Variants in ANO6 observed in about 807,000 individuals in gnomAD.
The protein encoded by ANO6 is anoctamin 6.
A neutral mutation model predicts 117.5 loss-of-function variants in ANO6; 106 were observed. The ratio of observed to expected loss-of-function variants is 0.90; its 90% confidence interval spans 0.77 to 1.06. ANO6 has a LOEUF of 1.06. Ranked by LOEUF, ANO6 falls within the 50% of genes least tolerant of loss-of-function variation. The pLI is 0.00. For missense variants in ANO6, 955 were observed against 1,121.1 expected (o/e 0.85, Z 2.12); for synonymous variants, 367 against 385.1 (o/e 0.95, Z 0.55).
intron 19 of ANO6, among the ~76,000 whole-genome samples, chr12:45,425,188 C>T (rs1352527143): frequency 1.3e-5 from 2 of 151,906 alleles, no homozygotes; most frequent in African/African-American, 2.4e-5. Flanking sequence ...TGGAAAAAAA[C>T]ATGGATTAAA....
intron 1 of ANO6, among the ~76,000 whole-genome samples, chr12:45,285,828 G>A (rs1179104712): frequency 6.6e-6 from 1 of 152,174 alleles, no homozygotes; most frequent in Non-Finnish European, 1.5e-5. Flanking sequence ...TGTGAGTGTT[G>A]TAGGCTGAAA....
chr12:45,366,777 A>G lies in ANO6; in HGVS notation c.999-911A>G, dbSNP rs1315721037. Reference sequence around the variant, plus strand: ...CTTTACTGCATTTCAGAAAAATTCTATTTTCTCCCTATAAATCTTAACATA... The same window carrying G: ...CTTTACTGCATTTCAGAAAAATTCTGTTTTCTCCCTATAAATCTTAACATA... On this transcript the variant is annotated intron_variant, in intron 8 of 19. Transcript: ENST00000320560. Among the ~76,000 whole-genome samples, 4 of 152,066 alleles carry G rather than the reference A, an allele frequency of 2.6e-5. No homozygotes were observed. The East Asian group carries it at 7.7e-4, about 29-fold the overall frequency.
chr12:45,241,616 TGGA>T (rs1592859122), intron 1 of ANO6, among the ~76,000 whole-genome samples: 1 of 152,242 alleles, frequency 6.6e-6, no homozygotes, highest in African/African-American at 2.4e-5. Context: ...TGCGATCTTT[TGGA>T]GGAGAACAGG....
chr12:45,321,765 A>C (rs1940281475), intron 2 of ANO6, among the ~76,000 whole-genome samples: 1 of 152,210 alleles, frequency 6.6e-6, no homozygotes, highest in South Asian at 2.1e-4. Flanking sequence ...TTTAATGCAC[A>C]ACTCAAAAAT....
At chr12:45,357,231 G>C (rs988495652) in intron 7 of ANO6, 59 bp from the exon 8 acceptor site, 4 of 1,570,768 alleles carry the variant, frequency 2.5e-6, no homozygotes, top group African/African-American at 1.4e-5. Flanking sequence ...ATTAATATTA[G>C]GATGAAGCTA....
intron 2 of ANO6, among the ~76,000 whole-genome samples, chr12:45,322,923 C>G (rs1194765310): frequency 6.6e-6 from 1 of 152,132 alleles, no homozygotes; most frequent in Non-Finnish European, 1.5e-5. Flanking sequence ...AATAGCAGGA[C>G]TATATCATTG....
At chr12:45,439,584 T>C in intron 19 of ANO6, 2 of 1,169,246 alleles carry the variant, frequency 1.7e-6, no homozygotes, top group Non-Finnish European at 2.2e-6. Flanking sequence ...ATACTAACAC[T>C]CATTTTCATT....
chr12:45,385,612 G>T (rs1193998994), intron 10 of ANO6, among the ~76,000 whole-genome samples: 1 of 152,048 alleles, frequency 6.6e-6, no homozygotes, highest in Non-Finnish European at 1.5e-5. Context: ...GCTCAGCTGG[G>T]CACCAAGACC....
chr12:45,364,237 C>G (rs74970987), intron 8 of ANO6, among the ~76,000 whole-genome samples: 1 of 152,102 alleles, frequency 6.6e-6, no homozygotes, highest in Non-Finnish European at 1.5e-5. Flanking sequence ...GCCATGATTT[C>G]TTTGGCTTTG....
At chr12:45,376,632 CAT>C (rs1217885827) in intron 9 of ANO6, among the ~76,000 whole-genome samples, 1 of 147,316 alleles carries the variant, frequency 6.8e-6, no homozygotes, top group Non-Finnish European at 1.5e-5. Context: ...TATTCTCACT[CAT>C]AGGTAGGAAT....
intron 1 of ANO6, among the ~76,000 whole-genome samples, chr12:45,229,308 G>C (rs891134993): frequency 6.6e-6 from 1 of 151,776 alleles, no homozygotes; most frequent in Non-Finnish European, 1.5e-5. Context: ...ACGCTGGCCT[G>C]TGATCCTTTT....
intron 8 of ANO6, among the ~76,000 whole-genome samples, chr12:45,363,225 G>C (rs1565720120): frequency 6.6e-6 from 1 of 152,100 alleles, no homozygotes; most frequent in Non-Finnish European, 1.5e-5. Flanking sequence ...CACTTGAAAA[G>C]TTTTAGATTT....
At chr12:45,350,828 C>T (rs1442959855) in intron 7 of ANO6, 54 bp downstream of exon 7, 1 of 1,382,386 alleles carries the variant, frequency 7.2e-7, no homozygotes, top group African/African-American at 1.4e-5. Flanking sequence ...GTTACCCCCA[C>T]AGCATCTGAA....
intron 9 of ANO6, among the ~76,000 whole-genome samples, chr12:45,372,229 G>A (rs1412646726): frequency 2.0e-5 from 3 of 148,144 alleles, no homozygotes; most frequent in Non-Finnish European, 3.0e-5. Context: ...CCAAATCTAC[G>A]TCTGATTGGT....
Position 45,348,164 on chromosome 12 carries a change from T to C in ANO6, c.482T>C (p.Leu161Pro). The C allele has an allele frequency of 6.2e-7, 1 of 1,614,082 alleles. No individual in the cohort carries two copies. The highest frequency in any genetic ancestry group is 1.1e-5 in the South Asian group (1 of 91,078). The change falls in exon 5 of 20, where the codon CTC becomes CCC. Residue 161 changes from leucine (L) to proline (P), a missense_variant. Transcript: ENST00000320560. ...LKNRSSAFGT[L>P]NWFTKVLSVD... ...AACCGGTCCTCAGCCTTTGGTACAC[T>C]CAACTGGTTTACCAAAGTCCTCAGT...
intron 1 of ANO6, among the ~76,000 whole-genome samples, chr12:45,267,712 A>T (rs933450319): frequency 1.3e-5 from 2 of 152,126 alleles, no homozygotes; most frequent in African/African-American, 4.8e-5. Context: ...AATCGCTTGA[A>T]CCAGGGAGGT....
chr12:45,418,606 G>C (rs191775474), intron 17 of ANO6, among the ~76,000 whole-genome samples: 1 of 152,256 alleles, frequency 6.6e-6, no homozygotes, highest in East Asian at 1.9e-4. Flanking sequence ...AAATTCAGTT[G>C]ACTCAAACTC....
downstream of ANO6, among the ~76,000 whole-genome samples, chr12:45,434,078 AC>A (rs960227845): frequency 5.3e-5 from 8 of 152,208 alleles, 1 homozygote; most frequent in Non-Finnish European, 1.2e-4. Flanking sequence ...ACTGGAAGAT[AC>A]GCCTGAGATC....
chr12:45,379,113 G>A (rs952615671), intron 10 of ANO6, among the ~76,000 whole-genome samples: 2 of 152,170 alleles, frequency 1.3e-5, no homozygotes, highest in Non-Finnish European at 2.9e-5. Flanking sequence ...GTGTAAGTAT[G>A]AGGAACAACA....
Sources: allele counts gnomAD v4.1 joint callset (sites outside exome capture counted in the v4.1 genomes callset), GRCh38; gene constraint gnomAD v4.1.1; transcripts MANE v1.5; gene names NCBI Gene and HGNC (gene_info 2026-07-23, HGNC 2026-07-21).